Variants in NBEA observed in about 807,000 individuals in gnomAD.
The protein encoded by NBEA is neurobeachin.
NBEA carries 44 observed loss-of-function variants against 343.4 expected under a neutral mutation model. That is an observed-to-expected ratio of 0.13 (90% CI 0.10 to 0.16). NBEA has a LOEUF of 0.16. Among genes scored for constraint, NBEA ranks in the 10% least tolerant of loss-of-function variants. NBEA has a pLI of 1.00. For missense variants in NBEA, 2,555 were observed against 3,631.3 expected, an observed-to-expected ratio of 0.70 and a Z score of 7.62; for synonymous variants, 1,175 against 1,238.7, an observed-to-expected ratio of 0.95 and a Z score of 1.08.
intron 34 of NBEA, among the ~76,000 whole-genome samples, chr13:35,244,643 C>G (rs898900900): frequency 5.3e-5 from 8 of 151,858 alleles, no homozygotes; most frequent in African/African-American, 1.9e-4. Flanking sequence ...TTTTCTAGTT[C>G]CGTGAAGAAT....
intron 1 of NBEA, among the ~76,000 whole-genome samples, chr13:34,961,270 TC>T (rs1276597619): frequency 2.2e-4 from 34 of 152,090 alleles, no homozygotes. Flanking sequence ...TGTAGCTTAT[TC>T]CTGAGAAAAA....
rs1238682036 is a variant in NBEA, at chr13:35,070,642, A to G, written c.1438-77A>G. 3.1e-6 allele frequency: 4 copies of G among 1,278,742 alleles called. No homozygotes were observed. In the African/African-American group the frequency reaches 4.5e-5, roughly 14 times the overall value. 79.2% of individuals were successfully genotyped at this position (1,278,742 alleles called of 1,614,324 possible). On this transcript the variant is annotated intron_variant, in intron 9 of 58. Coordinates refer to ENST00000379939, the MANE Select transcript of NBEA (RefSeq NM_001385012.1). ...CAAGTATGTTATTTAATTCTATTAT[A>G]AAGGTATTTGGAACAAGGAAATAGT...
At chr13:35,556,306 T>C (rs750142038) in intron 44 of NBEA, among the ~76,000 whole-genome samples, 20 of 152,032 alleles carry the variant, frequency 1.3e-4, no homozygotes, top group Non-Finnish European at 2.5e-4. Context: ...GTAAATAGCA[T>C]GGTGTAGCAG....
intron 31 of NBEA, among the ~76,000 whole-genome samples, chr13:35,204,588 G>T (rs1471629506): frequency 6.6e-6 from 1 of 152,108 alleles, no homozygotes; most frequent in Non-Finnish European, 1.5e-5. Context: ...TTAAAGTTGA[G>T]ATTTGGGTGG....
chr13:34,991,893 G>A (rs1435241463), intron 1 of NBEA, among the ~76,000 whole-genome samples: 1 of 150,370 alleles, frequency 6.7e-6, no homozygotes, highest in East Asian at 1.9e-4. Flanking sequence ...GTGTTTATTT[G>A]ACTGTTCTTT....
At chr13:35,400,165 A>G (rs1234094812) in intron 38 of NBEA, among the ~76,000 whole-genome samples, 1 of 138,744 alleles carries the variant, frequency 7.2e-6, no homozygotes, top group Non-Finnish European at 1.5e-5. Context: ...TAGATTTGCT[A>G]GATGCAGGGT....
chr13:35,152,217 A>G lies in NBEA; in HGVS notation c.2446-3557A>G, dbSNP rs557420709. 3.1e-4 allele frequency among the ~76,000 whole-genome samples: 47 copies of G among 152,334 alleles called. 1 individual carries two copies. The highest frequency in any genetic ancestry group is 1.0e-3 in the African/African-American group (42 of 41,578). On this transcript the variant is annotated intron_variant, in intron 18 of 58. Transcript: ENST00000379939. ...TATATTTTTTAAATTAACTGTTTCT[A>G]TAAGGATATAACAATTTATGAGTGC...
chr13:35,564,427 AC>A (rs1275038645), intron 44 of NBEA, among the ~76,000 whole-genome samples: 1 of 151,982 alleles, frequency 6.6e-6, no homozygotes, highest in Non-Finnish European at 1.5e-5. Context: ...TCTGCCATGG[AC>A]CCATTTAGGA....
chr13:35,495,252 A>G lies in NBEA; in HGVS notation c.6585+22716A>G, dbSNP rs372788973. On this transcript the variant is annotated intron_variant, in intron 41 of 58. Transcript: ENST00000379939. Reference sequence around the variant, plus strand: ...AATATCAGATAAAATAGACTTTTACACTAAATAAAGCCACTACATACAAAG... The same window carrying G: ...AATATCAGATAAAATAGACTTTTACGCTAAATAAAGCCACTACATACAAAG... Among the ~76,000 whole-genome samples the G allele has an allele frequency of 2.0e-5, 3 of 152,128 alleles. No individual in the cohort carries two copies. In the South Asian group the frequency reaches 6.2e-4, roughly 32 times the overall value.
intron 30 of NBEA, among the ~76,000 whole-genome samples, chr13:35,192,698 A>G (rs1220483132): frequency 6.6e-6 from 1 of 151,992 alleles, no homozygotes; most frequent in African/African-American, 2.4e-5. Context: ...AAACATTTTA[A>G]TATCCATTGT....
intron 38 of NBEA, among the ~76,000 whole-genome samples, chr13:35,419,387 C>T (rs1040287972): frequency 3.9e-5 from 6 of 151,990 alleles, no homozygotes; most frequent in Non-Finnish European, 7.4e-5. Flanking sequence ...GGGCACTAAT[C>T]CCATTCACAA....
chr13:35,288,998 A>C (rs1167101761), intron 34 of NBEA, among the ~76,000 whole-genome samples: 4 of 151,950 alleles, frequency 2.6e-5, no homozygotes, highest in Non-Finnish European at 1.5e-5. Flanking sequence ...CAAATATCTG[A>C]TAAGATGGAA....
In NBEA at chr13:35,305,142, A is replaced by T. The variant is rs568828960; in HGVS notation, c.5839-4386A>T. Among the ~76,000 whole-genome samples the T allele has an allele frequency of 2.0e-5, 3 of 152,034 alleles. No homozygotes were observed. The East Asian group carries it at 5.8e-4, about 29-fold the overall frequency. On this transcript the variant is annotated intron_variant, in intron 35 of 58. Coordinates refer to ENST00000379939, the MANE Select transcript of NBEA (RefSeq NM_001385012.1). ...CCACCATTTCCTTCCTAAGATAACTATTTTCTTTTAGAGTGAATTGCCTCT... is the reference window on the plus strand; with the variant it reads ...CCACCATTTCCTTCCTAAGATAACTTTTTTCTTTTAGAGTGAATTGCCTCT...
At chr13:35,415,146 T>C (rs1156508173) in intron 38 of NBEA, among the ~76,000 whole-genome samples, 2 of 152,252 alleles carry the variant, frequency 1.3e-5, no homozygotes, top group African/African-American at 4.8e-5. Context: ...CTTTGTCAGA[T>C]GAGTAGATTG....
intron 38 of NBEA, among the ~76,000 whole-genome samples, chr13:35,382,728 T>C (rs972093457): frequency 6.6e-6 from 1 of 152,206 alleles, no homozygotes; most frequent in African/African-American, 2.4e-5. Flanking sequence ...ATTTATATTA[T>C]TCACTTTAAT....
Position 34,942,528 on chromosome 13 carries a change from C to CGGCAGG in NBEA, c.-288_-287insGGGCAG. On this transcript the variant is annotated 5_prime_UTR_variant, in exon 1 of 59. Transcript: ENST00000379939. The stretch of plus-strand genomic sequence containing the variant: ...AGGGAGAGAGCAGAGGCAGCGGCGG[C>CGGCAGG]GGCAGCGGCAGCGGCAGCGGCACAC... 5.7e-6 allele frequency: 1 copy of CGGCAGG among 175,486 alleles called. No homozygotes were observed. Among genetic ancestry groups the CGGCAGG allele is most frequent in the Non-Finnish European group, 1.0e-5 (1 of 100,182 alleles). The allele number at this position is 175,486 out of a possible 1,614,324, so 10.9% of individuals were successfully genotyped here. A position where few individuals can be genotyped will look rare whatever the true frequency, so the allele number is the denominator to read the frequency against.
At chr13:35,654,259 C>A (rs2084696066) in intron 53 of NBEA, among the ~76,000 whole-genome samples, 1 of 152,126 alleles carries the variant, frequency 6.6e-6, no homozygotes. Context: ...CCTCTCTCAT[C>A]TTTTTTGTTC....
At chr13:35,140,930 G>C (rs1337733901) in intron 17 of NBEA, among the ~76,000 whole-genome samples, 1 of 152,188 alleles carries the variant, frequency 6.6e-6, no homozygotes, top group Non-Finnish European at 1.5e-5. Context: ...CCACCTTGTA[G>C]CTCCATTGTC....
At chr13:35,038,843 T>A (rs1374106161) in intron 1 of NBEA, among the ~76,000 whole-genome samples, 1 of 152,084 alleles carries the variant, frequency 6.6e-6, no homozygotes, top group Non-Finnish European at 1.5e-5. Context: ...GGAGGGGTGA[T>A]GCCAGCATTC....
Sources: gnomAD v4.1 joint callset for allele counts (sites outside exome capture counted in the v4.1 genomes callset) on GRCh38, gnomAD v4.1.1 for gene constraint, MANE v1.5 for transcripts, NCBI Gene and HGNC (gene_info 2026-07-23, HGNC 2026-07-21) for gene names.